Variants in LRPPRC observed in about 807,000 individuals in gnomAD.
The protein encoded by LRPPRC is leucine-rich PPR motif-containing protein, mitochondrial.
LRPPRC carries 120 observed loss-of-function variants against 180.3 expected under a neutral mutation model. The observed-to-expected ratio is 0.67, with a 90% CI of 0.57 to 0.77. The LOEUF (loss-of-function observed/expected upper bound fraction) is 0.77, where lower values mean the gene tolerates loss of function less well. LRPPRC is among the 30% of genes least tolerant of loss of function. LRPPRC has a pLI of 0.00. For missense variants in LRPPRC, 2,012 were observed against 1,657.2 expected (o/e 1.21, Z -3.72); for synonymous variants, 723 against 600.0 (o/e 1.21, Z -3.00).
At chr2:43,965,222 G>C (rs1233148709) in intron 11 of LRPPRC, among the ~76,000 whole-genome samples, 1 of 151,996 alleles carries the variant, frequency 6.6e-6, no homozygotes, top group Non-Finnish European at 1.5e-5. Context: ...GGCTGGTCTT[G>C]GACTCCTGAC....
In LRPPRC at chr2:43,963,766, C is replaced by T. The variant is rs908687555; in HGVS notation, c.1370-60G>A. The T allele has an allele frequency of 1.6e-5, 15 of 918,056 alleles. No homozygotes were observed. In the East Asian group the frequency reaches 1.7e-4, roughly 10 times the overall value. 56.9% of individuals were successfully genotyped at this position (918,056 alleles called of 1,614,324 possible). A position where few individuals can be genotyped will look rare whatever the true frequency, so the allele number is the denominator to read the frequency against. On this transcript the variant is annotated intron_variant, in intron 11 of 37. Transcript: ENST00000260665. The stretch of plus-strand genomic sequence containing the variant: ...AACTTAGAATAAAGTAAGAAAAGAT[C>T]GGTAAGTTCAGTTCAATTATTTTCT...
At chr2:43,943,567 C>A in intron 23 of LRPPRC, 120 bp downstream of exon 23, 2 of 804,946 alleles carry the variant, frequency 2.5e-6, no homozygotes, top group South Asian at 2.9e-5. Flanking sequence ...CCCTCTTACT[C>A]TGTGGTAAAT....
intron 34 of LRPPRC, among the ~76,000 whole-genome samples, chr2:43,898,071 TAA>T (rs61550367): frequency 8.6e-6 from 1 of 115,942 alleles, no homozygotes; most frequent in Non-Finnish European, 1.8e-5. Flanking sequence ...TCCTTAAAAT[TAA>T]AAAAAAAAAA....
chr2:43,995,228 A>T (rs183668736), intron 1 of LRPPRC, among the ~76,000 whole-genome samples: 1 of 152,248 alleles, frequency 6.6e-6, no homozygotes, highest in East Asian at 1.9e-4. Flanking sequence ...CTCGCGCAAC[A>T]CCTTCTTAAA....
intron 23 of LRPPRC, among the ~76,000 whole-genome samples, chr2:43,942,698 G>A (rs1282388814): frequency 6.6e-6 from 1 of 151,932 alleles, no homozygotes; most frequent in African/African-American, 2.4e-5. Context: ...GAAAACATGA[G>A]AACCGTTAAA....
At chr2:43,915,198 A>ACCCTCTCTCTCTCTCTCT (rs1671406280) in intron 29 of LRPPRC, among the ~76,000 whole-genome samples, 1 of 63,388 alleles carries the variant, frequency 1.6e-5, no homozygotes, top group Non-Finnish European at 3.8e-5. Context: ...ACAGAACAAG[A>ACCCTCTCTCTCTCTCTCT]CTCTCTCTCT....
At position 43,964,947 on chromosome 2, in the gene LRPPRC, G is replaced by C. The variant is rs377337737; in HGVS notation, c.1370-1241C>G. ...TATAGTTTCAGCTATTCACGAGGCT[G>C]ATGCAGGAGGACTGCTTGAGCCCAG... On this transcript the variant is annotated intron_variant, in intron 11 of 37. Transcript: ENST00000260665. Among the ~76,000 whole-genome samples, 62 of 152,314 alleles carry C rather than the reference G, an allele frequency of 4.1e-4. No homozygotes were observed. In the South Asian group the frequency reaches 0.013, roughly 31 times the overall value.
intron 35 of LRPPRC, among the ~76,000 whole-genome samples, chr2:43,894,946 A>G (rs886497527): frequency 2.3e-4 from 35 of 152,230 alleles, no homozygotes; most frequent in African/African-American, 7.2e-4. Context: ...TCCCAAGGGT[A>G]GAGAGATAAC....
At chr2:43,977,124 T>C (rs1400426074) in intron 4 of LRPPRC, 31 bp downstream of exon 4, 3 of 1,610,472 alleles carry the variant, frequency 1.9e-6, no homozygotes, top group African/African-American at 1.3e-5. Context: ...ATGGTGGATG[T>C]GAAAATATAT....
intron 12 of LRPPRC, among the ~76,000 whole-genome samples, chr2:43,961,043 AAT>A (rs1464609065): frequency 6.6e-6 from 1 of 152,200 alleles, no homozygotes; most frequent in African/African-American, 2.4e-5. Context: ...TAACAATTTA[AAT>A]ATATGAGTCA....
At chr2:43,996,042 C>T, upstream of LRPPRC, 1 of 1,307,028 alleles carries the variant, frequency 7.7e-7, no homozygotes. Context: ...AGACCAACTG[C>T]CGGGCGTGCC....
intron 1 of LRPPRC, among the ~76,000 whole-genome samples, chr2:43,986,289 C>G (rs1034487667): frequency 6.6e-6 from 1 of 152,036 alleles, no homozygotes. Context: ...ACCACCATGC[C>G]CGACTAATTT....
intron 1 of LRPPRC, among the ~76,000 whole-genome samples, chr2:43,984,263 C>T (rs867857015): frequency 1.3e-5 from 2 of 152,058 alleles, no homozygotes; most frequent in African/African-American, 4.8e-5. Context: ...CTGATTAATA[C>T]AGAAATTTCA....
chr2:43,988,512 G>C (rs1318762415), intron 1 of LRPPRC, among the ~76,000 whole-genome samples: 2 of 152,136 alleles, frequency 1.3e-5, no homozygotes. Flanking sequence ...CTTCAATCTG[G>C]GCAGTAAGAG....
intron 25 of LRPPRC, among the ~76,000 whole-genome samples, chr2:43,931,732 G>C (rs1672095171): frequency 6.6e-6 from 1 of 152,148 alleles, no homozygotes; most frequent in African/African-American, 2.4e-5. Flanking sequence ...ATAGGTACAA[G>C]ATAAATGAAG....
chr2:43,978,893 T>C (rs1202336769), intron 3 of LRPPRC, among the ~76,000 whole-genome samples: 1 of 152,114 alleles, frequency 6.6e-6, no homozygotes, highest in Non-Finnish European at 1.5e-5. Context: ...ATTTAGTGAG[T>C]CCAGCTAATT....
At position 43,901,303 on chromosome 2, in the gene LRPPRC, G is replaced by A; in HGVS notation, c.3569+17C>T. 1.9e-6 allele frequency: 3 copies of A among 1,606,340 alleles called. No individual in the cohort carries two copies. Among genetic ancestry groups the A allele is most frequent in the Non-Finnish European group, 2.6e-6 (3 of 1,174,570 alleles). On this transcript the variant is annotated intron_variant, in intron 32 of 37. Transcript: ENST00000260665. The stretch of plus-strand genomic sequence containing the variant: ...TCTAGTGACCAATGAAGGAAAAGAA[G>A]GCTTGCAAATACTCACTTCTTTATT...
intron 11 of LRPPRC, among the ~76,000 whole-genome samples, chr2:43,964,519 C>T (rs998254930): frequency 2.6e-5 from 4 of 152,076 alleles, no homozygotes; most frequent in Non-Finnish European, 5.9e-5. Flanking sequence ...CCCTAAAAGT[C>T]CCTGTTTCTG....
chr2:43,925,805 G>C (rs541313957), intron 26 of LRPPRC, 88 bp downstream of exon 26: 11 of 856,266 alleles, frequency 1.3e-5, no homozygotes, highest in Non-Finnish European at 1.8e-5. Context: ...CCTGTCTCTC[G>C]AAGTCCCCAA....
Sources: allele counts gnomAD v4.1 joint callset (sites outside exome capture counted in the v4.1 genomes callset), GRCh38; gene constraint gnomAD v4.1.1; transcripts MANE v1.5; gene names NCBI Gene and HGNC (gene_info 2026-07-23, HGNC 2026-07-21).